VPS35L: variants seen among roughly 807,000 people sequenced by gnomAD.
The protein encoded by VPS35L is VPS35 endosomal protein sorting factor like, also known as VPS35 endosomal protein-sorting factor-like.
Under a neutral mutation model 133.0 loss-of-function variants are expected in VPS35L, and 83 were observed. The ratio of observed to expected loss-of-function variants is 0.62; its 90% confidence interval spans 0.52 to 0.75. The LOEUF is 0.75. Ranked by LOEUF, VPS35L falls within the 30% of genes least tolerant of loss-of-function variation. The probability of loss-of-function intolerance (pLI) is 0.00; values close to 1 mark genes in which losing one functional copy is unlikely to be tolerated. For missense variants in VPS35L, 1,083 were observed against 1,206.8 expected (o/e 0.90, Z 1.52); for synonymous variants, 423 against 449.9 (o/e 0.94, Z 0.76).
chr16:19,590,094 G>A (rs1371152123), intron 7 of VPS35L, among the ~76,000 whole-genome samples: 2 of 143,312 alleles, frequency 1.4e-5, no homozygotes, highest in Admixed American at 7.6e-5. Context: ...CAGTTGCCAC[G>A]TTTGGTGTCA....
intron 26 of VPS35L, 71 bp downstream of exon 26, chr16:19,652,161 T>C (rs537907116): frequency 2.2e-5 from 23 of 1,066,882 alleles, no homozygotes; most frequent in African/African-American, 4.7e-5. Context: ...TGTGTGCGTA[T>C]GTGTGTAGAG....
chr16:19,572,229 C>A (rs1971405587), intron 3 of VPS35L, among the ~76,000 whole-genome samples: 1 of 152,096 alleles, frequency 6.6e-6, no homozygotes, highest in Non-Finnish European at 1.5e-5. Flanking sequence ...ACCAGCCGGA[C>A]CAACGTGGTG....
At chr16:19,616,845 C>T in intron 14 of VPS35L, 37 bp downstream of exon 14, 1 of 1,613,862 alleles carries the variant, frequency 6.2e-7, no homozygotes, top group South Asian at 1.1e-5. Context: ...CGCTCACCTC[C>T]TGTATGGTGA....
intron 26 of VPS35L, among the ~76,000 whole-genome samples, chr16:19,666,643 C>G (rs1233788725): frequency 1.3e-5 from 2 of 152,146 alleles, no homozygotes; most frequent in African/African-American, 2.4e-5. Flanking sequence ...AAGCTGCTCT[C>G]TTTTTAATGA....
At position 19,622,292 on chromosome 16, in the gene VPS35L, G is replaced by A. The variant is rs193107365; in HGVS notation, c.1225-3885G>A. 2.4e-4 allele frequency among the ~76,000 whole-genome samples: 37 copies of A among 151,780 alleles called. No homozygotes were observed. In the East Asian group the frequency reaches 6.8e-3, roughly 28 times the overall value. On this transcript the variant is annotated intron_variant, in intron 14 of 30. Transcript: ENST00000417362. ...CCCAAGTAACTGGGACTACAGCCACGCCACCACGCCCGGCTAATTTTTGTA... is the reference window on the plus strand; with the variant it reads ...CCCAAGTAACTGGGACTACAGCCACACCACCACGCCCGGCTAATTTTTGTA...
intron 28 of VPS35L, 32 bp downstream of exon 28, chr16:19,682,422 C>A (rs779481146): frequency 2.5e-6 from 4 of 1,590,720 alleles, no homozygotes; most frequent in African/African-American, 2.7e-5. Context: ...AACCATGCTC[C>A]GCATGGATTT....
intron 9 of VPS35L, among the ~76,000 whole-genome samples, chr16:19,605,768 T>G (rs573629158): frequency 6.6e-6 from 1 of 152,348 alleles, no homozygotes; most frequent in South Asian, 2.1e-4. Flanking sequence ...TTCCAATACC[T>G]AGTTTAGTAT....
rs142572868 is a variant in VPS35L, at chr16:19,604,057, G to T, written c.784+2334G>T. Among the ~76,000 whole-genome samples, 1,260 of 151,666 alleles carry T rather than the reference G, an allele frequency of 8.3e-3. 9 individuals are homozygous for T. Among genetic ancestry groups the T allele is most frequent in the Non-Finnish European group, 0.012 (792 of 67,964 alleles). On this transcript the variant is annotated intron_variant, in intron 9 of 30. Coordinates refer to ENST00000417362, the MANE Select transcript of VPS35L (RefSeq NM_020314.7). ...GAATCCATTTATTTAATATACACTTGCCAGCATGTAGCATGCTATACCATT... is the reference window on the plus strand; with the variant it reads ...GAATCCATTTATTTAATATACACTTTCCAGCATGTAGCATGCTATACCATT...
intron 11 of VPS35L, 145 bp downstream of exon 11, chr16:19,609,166 A>G: frequency 1.4e-6 from 1 of 708,436 alleles, no homozygotes; most frequent in Admixed American, 2.4e-5. Context: ...TTCTCATTGA[A>G]TCCAAATGAA....
chr16:19,611,047 T>C (rs1435622031), intron 12 of VPS35L, among the ~76,000 whole-genome samples: 1 of 152,200 alleles, frequency 6.6e-6, no homozygotes, highest in Non-Finnish European at 1.5e-5. Context: ...TCGCCCAGGC[T>C]GGAGTGCAGT....
At chr16:19,637,838 A>C (rs1223328372) in intron 20 of VPS35L, among the ~76,000 whole-genome samples, 182 bp downstream of exon 20, 1 of 152,232 alleles carries the variant, frequency 6.6e-6, no homozygotes, top group African/African-American at 2.4e-5. Context: ...TATTTGAAAA[A>C]ATAATACACA....
intron 8 of VPS35L, among the ~76,000 whole-genome samples, chr16:19,597,077 A>G (rs909980528): frequency 6.0e-5 from 9 of 151,242 alleles, no homozygotes; most frequent in African/African-American, 2.2e-4. Context: ...AGGGAAGGAA[A>G]GGGCTGGGCA....
intron 7 of VPS35L, among the ~76,000 whole-genome samples, chr16:19,588,801 A>G (rs905538533): frequency 7.9e-5 from 12 of 152,208 alleles, no homozygotes; most frequent in African/African-American, 2.9e-4. Context: ...ATAAGAGCCT[A>G]TACCTAAGAG....
At position 19,669,310 on chromosome 16, in the gene VPS35L, TC is replaced by T; in HGVS notation, c.2361+12del. ...TTATTAATAGTTCCGGTACGTTTCC[TC>T]AGCAGAACCGCAGGACATGTCTTCC... On this transcript the variant is annotated intron_variant, in intron 27 of 30. Coordinates refer to ENST00000417362, the MANE Select transcript of VPS35L (RefSeq NM_020314.7). The T allele has an allele frequency of 6.2e-7, 1 of 1,601,150 alleles. No individual in the cohort carries two copies. The highest frequency in any genetic ancestry group is 8.5e-7 in the Non-Finnish European group (1 of 1,170,560).
chr16:19,572,340 C>G (rs1410640371), intron 3 of VPS35L, among the ~76,000 whole-genome samples: 3 of 152,120 alleles, frequency 2.0e-5, no homozygotes, highest in Non-Finnish European at 4.4e-5. Flanking sequence ...ATCACTTGAA[C>G]CTGGGATGCG....
chr16:19,678,135 G>T (rs1049891696), intron 27 of VPS35L, among the ~76,000 whole-genome samples: 1 of 152,168 alleles, frequency 6.6e-6, no homozygotes, highest in African/African-American at 2.4e-5. Context: ...AAAAGTAATT[G>T]TGGGTTTTGC....
chr16:19,656,214 A>G (rs945950926), intron 26 of VPS35L, among the ~76,000 whole-genome samples: 3 of 150,802 alleles, frequency 2.0e-5, no homozygotes, highest in Admixed American at 2.0e-4. Flanking sequence ...CAGTGAGTCA[A>G]GATATCACCA....
At chr16:19,644,406 T>C (rs1973875818) in intron 22 of VPS35L, among the ~76,000 whole-genome samples, 1 of 149,484 alleles carries the variant, frequency 6.7e-6, no homozygotes, top group Non-Finnish European at 1.5e-5. Flanking sequence ...GAAATATTTC[T>C]GTTTCCTTTT....
intron 26 of VPS35L, among the ~76,000 whole-genome samples, chr16:19,658,327 C>T (rs1390602809): frequency 1.3e-5 from 2 of 152,082 alleles, no homozygotes; most frequent in African/African-American, 4.8e-5. Context: ...GTCAAGAGTT[C>T]AAGACCAGCC....
Sources: gnomAD v4.1 joint callset for allele counts (sites outside exome capture counted in the v4.1 genomes callset) on GRCh38, gnomAD v4.1.1 for gene constraint, MANE v1.5 for transcripts, NCBI Gene and HGNC (gene_info 2026-07-23, HGNC 2026-07-21) for gene names.